Variants in SPAG16 observed in about 807,000 individuals in gnomAD.
The protein encoded by SPAG16 is sperm associated antigen 16.
A neutral mutation model predicts 80.4 loss-of-function variants in SPAG16; 86 were observed. That is an observed-to-expected ratio of 1.07 (90% CI 0.90 to 1.28). The LOEUF (loss-of-function observed/expected upper bound fraction) is 1.28. Among genes scored for constraint, SPAG16 ranks in the 50% most tolerant of loss-of-function variants. The pLI is 0.00. For synonymous variants in SPAG16, 294 were observed against 265.9 expected, an observed-to-expected ratio of 1.11 and a Z score of -1.03; for missense variants, 870 against 765.3, an observed-to-expected ratio of 1.14 and a Z score of -1.61.
At chr2:213,643,582 C>A (rs936232333) in intron 10 of SPAG16, among the ~76,000 whole-genome samples, 28 of 149,066 alleles carry the variant, frequency 1.9e-4, no homozygotes, top group Non-Finnish European at 8.9e-5. Flanking sequence ...GTTATTATCC[C>A]ATTGAATAAA....
At chr2:213,985,333 C>A (rs528799730) in intron 12 of SPAG16, among the ~76,000 whole-genome samples, 286 of 152,030 alleles carry the variant, frequency 1.9e-3, no homozygotes, top group African/African-American at 6.7e-3. Context: ...TTTATTAAAA[C>A]CTGTATTACT....
chr2:213,887,041 TTTG>T (rs1434804402), intron 11 of SPAG16, among the ~76,000 whole-genome samples: 1 of 152,112 alleles, frequency 6.6e-6, no homozygotes, highest in African/African-American at 2.4e-5. Context: ...ACTTTAAAAT[TTTG>T]TTAATATTTT....
intron 5 of SPAG16, among the ~76,000 whole-genome samples, chr2:213,337,423 A>T (rs932065921): frequency 6.6e-6 from 1 of 152,212 alleles, no homozygotes; most frequent in Admixed American, 6.5e-5. Flanking sequence ...AATGAACTTC[A>T]CTGAGCTAAA....
At chr2:213,356,587 G>A (rs1444092416) in intron 7 of SPAG16, among the ~76,000 whole-genome samples, 1 of 152,124 alleles carries the variant, frequency 6.6e-6, no homozygotes, top group Non-Finnish European at 1.5e-5. Context: ...TGGGATCGGT[G>A]GGGATATCCC....
At chr2:213,740,774 G>T (rs1454546779) in intron 10 of SPAG16, among the ~76,000 whole-genome samples, 1 of 152,160 alleles carries the variant, frequency 6.6e-6, no homozygotes, top group African/African-American at 2.4e-5. Flanking sequence ...AAGAGTGTGG[G>T]GTAAAGATGG....
intron 15 of SPAG16, among the ~76,000 whole-genome samples, chr2:214,387,756 GC>G (rs1189421959): frequency 1.3e-5 from 2 of 152,162 alleles, no homozygotes; most frequent in African/African-American, 2.4e-5. Flanking sequence ...GAGAATGAGT[GC>G]CCAGTGAAGG....
At chr2:214,236,390 C>T (rs1018991103) in intron 15 of SPAG16, among the ~76,000 whole-genome samples, 3 of 152,174 alleles carry the variant, frequency 2.0e-5, no homozygotes, top group Non-Finnish European at 2.9e-5. Context: ...TGGTGGCTCA[C>T]GCCACACTCC....
chr2:213,728,187 A>G (rs1457133115), intron 10 of SPAG16, among the ~76,000 whole-genome samples: 4 of 152,146 alleles, frequency 2.6e-5, no homozygotes, highest in Non-Finnish European at 5.9e-5. Flanking sequence ...TAATGCAATA[A>G]TCATTTTTTC....
At chr2:213,405,076 C>T (rs1448790897) in intron 9 of SPAG16, among the ~76,000 whole-genome samples, 8 of 152,030 alleles carry the variant, frequency 5.3e-5, no homozygotes, top group Admixed American at 2.0e-4. Context: ...AGCTAGTAAT[C>T]GTAAACACAT....
intron 10 of SPAG16, among the ~76,000 whole-genome samples, chr2:213,605,631 A>G (rs1441364727): frequency 6.6e-6 from 1 of 152,074 alleles, no homozygotes; most frequent in Non-Finnish European, 1.5e-5. Flanking sequence ...CTGGGACTAC[A>G]GGCGCCTGCC....
At chr2:214,059,186 C>CTATATATATATATATATA (rs36006046) in intron 13 of SPAG16, among the ~76,000 whole-genome samples, 33 of 114,374 alleles carry the variant, frequency 2.9e-4, no homozygotes, top group African/African-American at 8.8e-4. Flanking sequence ...CTCTCTCTGT[C>CTATATATATATATATATA]TATATATATA....
chr2:213,583,616 G>A (rs1362419813), intron 10 of SPAG16, among the ~76,000 whole-genome samples: 1 of 152,104 alleles, frequency 6.6e-6, no homozygotes, highest in Non-Finnish European at 1.5e-5. Context: ...ATTTGGGGGG[G>A]TGGTAACTGA....
chr2:213,966,382 G>T (rs2044711795), intron 12 of SPAG16, among the ~76,000 whole-genome samples: 1 of 152,088 alleles, frequency 6.6e-6, no homozygotes, highest in Non-Finnish European at 1.5e-5. Context: ...GAATTAAAGA[G>T]TTAAAAGTAT....
chr2:213,873,508 ATAT>A (rs2076028612), intron 11 of SPAG16, among the ~76,000 whole-genome samples: 1 of 151,122 alleles, frequency 6.6e-6, no homozygotes, highest in African/African-American at 2.4e-5. Flanking sequence ...TTTACATTCA[ATAT>A]TATTTTCTTC....
chr2:214,301,698 A>G (rs1029835776), intron 15 of SPAG16, among the ~76,000 whole-genome samples: 2 of 152,128 alleles, frequency 1.3e-5, no homozygotes, highest in African/African-American at 2.4e-5. Flanking sequence ...CTAGAAGTCT[A>G]TCAGTTTTGT....
At chr2:214,134,868 A>G (rs1296768589) in intron 14 of SPAG16, among the ~76,000 whole-genome samples, 1 of 152,206 alleles carries the variant, frequency 6.6e-6, no homozygotes, top group African/African-American at 2.4e-5. Context: ...ATTTTTACAC[A>G]TTGTTAACCT....
chr2:214,215,262 C>A (rs1272866107), intron 15 of SPAG16, among the ~76,000 whole-genome samples: 2 of 152,042 alleles, frequency 1.3e-5, no homozygotes, highest in Non-Finnish European at 2.9e-5. Context: ...TCAGCTGGAA[C>A]AAAATGACTG....
At chr2:213,618,750 TA>T (rs2061679077) in intron 10 of SPAG16, among the ~76,000 whole-genome samples, 1 of 151,966 alleles carries the variant, frequency 6.6e-6, no homozygotes, top group African/African-American at 2.4e-5. Context: ...AAAAAAAATT[TA>T]AAAAAAGGAA....
chr2:213,451,666 T>C (rs535300610), intron 9 of SPAG16, among the ~76,000 whole-genome samples: 12 of 151,724 alleles, frequency 7.9e-5, no homozygotes, highest in Non-Finnish European at 1.8e-4. Context: ...GGTTGCTGAG[T>C]GGTAGTAAAA....
Sources: allele counts gnomAD v4.1 joint callset (sites outside exome capture counted in the v4.1 genomes callset), GRCh38; gene constraint gnomAD v4.1.1; transcripts MANE v1.5; gene names NCBI Gene and HGNC (gene_info 2026-07-23, HGNC 2026-07-21).